The following SLC22A25 variants were observed in gnomAD, a reference collection of about 807,000 sequenced individuals.
SLC22A25 encodes the protein solute carrier family 22 member 25.
Under a neutral mutation model 45.9 loss-of-function variants are expected in SLC22A25, and 44 were observed. The observed-to-expected ratio is 0.96, with a 90% CI of 0.75 to 1.23. The LOEUF is 1.23. Among genes scored for constraint, SLC22A25 ranks in the 50% most tolerant of loss-of-function variants. The probability of loss-of-function intolerance (pLI) is 0.00; values close to 1 mark genes in which losing one functional copy is unlikely to be tolerated. For synonymous variants in SLC22A25, 283 were observed against 238.6 expected (o/e 1.19, Z -1.72); for missense variants, 800 against 666.4 (o/e 1.20, Z -2.21).
At chr11:63,175,098 A>C (rs2088037904) in intron 9 of SLC22A25, among the ~76,000 whole-genome samples, 1 of 152,130 alleles carries the variant, frequency 6.6e-6, no homozygotes, top group African/African-American at 2.4e-5. Flanking sequence ...GAGTGCAAAT[A>C]TCTCTTCCCA....
At chr11:63,179,269 T>A (rs2088232563) in intron 9 of SLC22A25, among the ~76,000 whole-genome samples, 1 of 152,182 alleles carries the variant, frequency 6.6e-6, no homozygotes. Flanking sequence ...TATCTCTCCA[T>A]TTCTTTATGA....
intron 10 of SLC22A25, 71 bp from the exon 11 acceptor site, chr11:63,164,705 T>G (rs1352650809): frequency 1.6e-6 from 2 of 1,223,580 alleles, no homozygotes; most frequent in African/African-American, 1.5e-5. Context: ...AAGGTAGAAG[T>G]GAAAAGGACT....
chr11:63,166,989 A>T (rs777755184), intron 9 of SLC22A25: 29 of 419,924 alleles, frequency 6.9e-5, no homozygotes, highest in Admixed American at 5.8e-4. Context: ...GGTTCATCTC[A>T]CTGGGACTGG....
Position 63,223,517 on chromosome 11 carries a change from T to C in SLC22A25, c.506+4944A>G, listed in dbSNP as rs937851102. Among the ~76,000 whole-genome samples the C allele has an allele frequency of 4.6e-5, 7 of 152,092 alleles. No individual in the cohort carries two copies. The East Asian group carries it at 7.7e-4, about 17-fold the overall frequency. On this transcript the variant is annotated intron_variant, in intron 5 of 11. Coordinates refer to ENST00000306494, the MANE Select transcript of SLC22A25 (RefSeq NM_199352.6). The stretch of plus-strand genomic sequence containing the variant: ...TTATTTACATAGGGTTTCTCTCTTT[T>C]TTCTTAGTCTAGCTAAAGGTTTGCC...
chr11:63,197,197 TTCAATACCA>T (rs1308062930), intron 7 of SLC22A25, among the ~76,000 whole-genome samples: 1 of 152,114 alleles, frequency 6.6e-6, no homozygotes, highest in Non-Finnish European at 1.5e-5. Flanking sequence ...AATTTATAGA[TTCAATACCA>T]TCCCCATCAA....
intron 7 of SLC22A25, among the ~76,000 whole-genome samples, chr11:63,187,159 G>C (rs780036553): frequency 6.6e-6 from 1 of 152,118 alleles, no homozygotes; most frequent in Non-Finnish European, 1.5e-5. Context: ...TCATGATATT[G>C]AATCTTCCTA....
At chr11:63,182,724 T>C (rs556667823) in intron 8 of SLC22A25, among the ~76,000 whole-genome samples, 1 of 152,190 alleles carries the variant, frequency 6.6e-6, no homozygotes, top group South Asian at 2.1e-4. Flanking sequence ...AGGCTTCTTA[T>C]TTCAAATCTC....
intron 3 of SLC22A25, among the ~76,000 whole-genome samples, chr11:63,234,560 C>T (rs557611025): frequency 1.1e-3 from 174 of 152,298 alleles, no homozygotes; most frequent in Non-Finnish European, 2.2e-3. Flanking sequence ...TTCCTGAATA[C>T]AGCACACTGA....
chr11:63,173,317 T>C (rs536275503), intron 9 of SLC22A25, among the ~76,000 whole-genome samples: 1 of 152,226 alleles, frequency 6.6e-6, no homozygotes, highest in East Asian at 1.9e-4. Flanking sequence ...AAAACCACCA[T>C]GGCACATGTA....
chr11:63,235,693 G>A (rs752676676), intron 3 of SLC22A25, among the ~76,000 whole-genome samples: 1 of 152,222 alleles, frequency 6.6e-6, no homozygotes, highest in Non-Finnish European at 1.5e-5. Context: ...GTGAGGAGCT[G>A]CGTTCCTTTA....
chr11:63,229,415 CG>C lies in SLC22A25; in HGVS notation c.237del (p.Phe79LeufsTer5), dbSNP rs1565124382. 7 of 1,612,018 alleles carry C rather than the reference CG, an allele frequency of 4.3e-6. No homozygotes were observed. Among genetic ancestry groups the C allele is most frequent in the Non-Finnish European group, 5.9e-6 (7 of 1,178,218 alleles). On this transcript the variant is annotated frameshift_variant, in exon 4 of 12. Coordinates refer to ENST00000306494, the MANE Select transcript of SLC22A25 (RefSeq NM_199352.6). LOFTEE classifies it high-confidence loss of function. ...CACTTCTCTGGCCTCAGATTTGAGTCGAATGGGATGGAGATTCTCAGGAGGG... is the reference window on the plus strand; with the variant it reads ...CACTTCTCTGGCCTCAGATTTGAGTCAATGGGATGGAGATTCTCAGGAGGG... Reference protein sequence around the residue: ...QDALLRISIPFDSNLRPEKCR... With the variant: ...QDALLRISIPXDSNLRPEKCR...
intron 9 of SLC22A25, chr11:63,166,843 G>A (rs1321544142): frequency 3.0e-6 from 3 of 985,110 alleles, no homozygotes; most frequent in Non-Finnish European, 3.6e-6. Flanking sequence ...CTTCATTATG[G>A]TTTTATTTTT....
intron 11 of SLC22A25, 35 bp from the exon 12 acceptor site, chr11:63,164,108 TA>T: frequency 6.5e-7 from 1 of 1,534,590 alleles, no homozygotes; most frequent in East Asian, 2.3e-5. Flanking sequence ...GAAAAGTTGT[TA>T]AAAATCATAC....
At chr11:63,209,703 A>T (rs1274412870) in intron 7 of SLC22A25, among the ~76,000 whole-genome samples, 2 of 152,154 alleles carry the variant, frequency 1.3e-5, no homozygotes, top group Admixed American at 6.6e-5. Flanking sequence ...TGATCTCTTA[A>T]ATTGGAAACA....
At position 63,187,355 on chromosome 11, in the gene SLC22A25, T is replaced by C. The variant is rs2088599321; in HGVS notation, c.831-3538A>G. Reference sequence around the variant, plus strand: ...GATTTGGCTCTCTGTTTGTCTGTTATTGGTGTATAAGAATGCTTGTGATTT... The same window carrying C: ...GATTTGGCTCTCTGTTTGTCTGTTACTGGTGTATAAGAATGCTTGTGATTT... On this transcript the variant is annotated intron_variant, in intron 7 of 11. Coordinates refer to ENST00000306494, the MANE Select transcript of SLC22A25 (RefSeq NM_199352.6). Among the ~76,000 whole-genome samples the C allele has an allele frequency of 2.0e-5, 3 of 152,326 alleles. No homozygotes were observed. In the South Asian group the frequency reaches 6.2e-4, roughly 32 times the overall value.
chr11:63,178,011 G>A (rs2088177786), intron 9 of SLC22A25, among the ~76,000 whole-genome samples: 1 of 150,624 alleles, frequency 6.6e-6, no homozygotes, highest in Non-Finnish European at 1.5e-5. Context: ...GAGTAACTGG[G>A]ACTACACATA....
chr11:63,173,148 C>T (rs2087950174), intron 9 of SLC22A25, among the ~76,000 whole-genome samples: 1 of 136,706 alleles, frequency 7.3e-6, no homozygotes, highest in Non-Finnish European at 1.5e-5. Context: ...GGTTTTCACT[C>T]ATAAGTGGGA....
intron 5 of SLC22A25, among the ~76,000 whole-genome samples, chr11:63,221,626 G>T (rs778731288): frequency 5.9e-5 from 9 of 151,544 alleles, no homozygotes; most frequent in Admixed American, 2.0e-4. Flanking sequence ...GAAGTTTTTT[G>T]AACTTGATAT....
At chr11:63,169,721 AC>A (rs1336596846) in intron 9 of SLC22A25, among the ~76,000 whole-genome samples, 6 of 151,880 alleles carry the variant, frequency 4.0e-5, no homozygotes, top group Non-Finnish European at 8.8e-5. Context: ...ATAGTAGGAG[AC>A]TTTAACATCC....
Sources: allele counts gnomAD v4.1 joint callset (sites outside exome capture counted in the v4.1 genomes callset), GRCh38; gene constraint gnomAD v4.1.1; transcripts MANE v1.5; gene names NCBI Gene and HGNC (gene_info 2026-07-23, HGNC 2026-07-21).